Variants in IGFBP7 observed in about 807,000 individuals in gnomAD.
IGFBP7 encodes insulin like growth factor binding protein 7, also known as insulin-like growth factor-binding protein 7.
Under a neutral mutation model 29.4 loss-of-function variants are expected in IGFBP7, and 31 were observed. That is an observed-to-expected ratio of 1.05 (90% CI 0.79 to 1.42). The LOEUF is 1.42. Among genes scored for constraint, IGFBP7 ranks in the 40% most tolerant of loss-of-function variants. The pLI, the probability that IGFBP7 is intolerant of heterozygous loss-of-function variation, is 0.00. For missense variants in IGFBP7, 393 were observed against 395.5 expected, an observed-to-expected ratio of 0.99 and a Z score of 0.05; for synonymous variants, 172 against 174.9, an observed-to-expected ratio of 0.98 and a Z score of 0.13.
intron 1 of IGFBP7, among the ~76,000 whole-genome samples, chr4:57,082,656 A>C (rs1483961973): frequency 6.6e-6 from 1 of 152,238 alleles, no homozygotes; most frequent in East Asian, 1.9e-4. Flanking sequence ...GTAACAATTC[A>C]AATATACAAA....
intron 2 of IGFBP7, among the ~76,000 whole-genome samples, chr4:57,034,125 TTCTGTG>T (rs1724023602): frequency 1.3e-5 from 2 of 152,108 alleles, no homozygotes; most frequent in South Asian, 4.1e-4. Context: ...TGCTGACTGT[TTCTGTG>T]TATGTCATGT....
At chr4:57,087,279 A>T (rs1217141671) in intron 1 of IGFBP7, among the ~76,000 whole-genome samples, 2 of 152,226 alleles carry the variant, frequency 1.3e-5, no homozygotes, top group Admixed American at 6.5e-5. Flanking sequence ...ATTGATGGAT[A>T]ACATAAAAGT....
intron 1 of IGFBP7, 74 bp downstream of exon 1, chr4:57,109,803 G>A: frequency 2.1e-6 from 3 of 1,461,756 alleles, no homozygotes; most frequent in Non-Finnish European, 2.7e-6. Flanking sequence ...CGAGGCCGCC[G>A]CGGACGCCCC....
chr4:57,062,888 G>T (rs988903346), intron 1 of IGFBP7, among the ~76,000 whole-genome samples: 1 of 152,154 alleles, frequency 6.6e-6, no homozygotes, highest in Non-Finnish European at 1.5e-5. Flanking sequence ...TTCCTCTTGA[G>T]AAAAACTTTC....
At chr4:57,096,293 A>G (rs572588362) in intron 1 of IGFBP7, among the ~76,000 whole-genome samples, 2 of 147,108 alleles carry the variant, frequency 1.4e-5, no homozygotes, top group South Asian at 2.3e-4. Context: ...GATCTTCTCA[A>G]AGTCCCCCGT....
At chr4:57,100,376 G>C (rs1169949275) in intron 1 of IGFBP7, among the ~76,000 whole-genome samples, 1 of 152,138 alleles carries the variant, frequency 6.6e-6, no homozygotes, top group African/African-American at 2.4e-5. Flanking sequence ...CACTGTGCCT[G>C]ACCAGGCTCT....
Position 57,031,148 on chromosome 4 carries a change from TG to T in IGFBP7, c.*168del. On this transcript the variant is annotated 3_prime_UTR_variant, in exon 5 of 5. Coordinates refer to ENST00000295666, the MANE Select transcript of IGFBP7 (RefSeq NM_001553.3). ...CTTCTGTAAATATATAATAAATTTT[TG>T]TAGATAGTCTTGATGTGTGATCTTT... 1.4e-6 allele frequency: 1 copy of T among 721,640 alleles called. No homozygotes were observed. Among genetic ancestry groups the T allele is most frequent in the Non-Finnish European group, 2.4e-6 (1 of 421,332 alleles). The allele number at this position is 721,640 out of a possible 1,614,324, so 44.7% of individuals were successfully genotyped here.
At chr4:57,067,444 C>T (rs1724946163) in intron 1 of IGFBP7, among the ~76,000 whole-genome samples, 2 of 152,172 alleles carry the variant, frequency 1.3e-5, no homozygotes, top group African/African-American at 4.8e-5. Flanking sequence ...AGAAGCCAGT[C>T]CCAGAAGGGC....
intron 1 of IGFBP7, among the ~76,000 whole-genome samples, chr4:57,075,366 T>G (rs757405307): frequency 2.6e-5 from 4 of 152,200 alleles, no homozygotes; most frequent in Non-Finnish European, 5.9e-5. Context: ...TTTCATTGTT[T>G]CCTTAATCTG....
chr4:57,060,250 T>C (rs1053880433), intron 1 of IGFBP7, among the ~76,000 whole-genome samples: 4 of 152,206 alleles, frequency 2.6e-5, no homozygotes, highest in African/African-American at 9.6e-5. Context: ...AATAACAAGA[T>C]GCAGACAGAC....
At chr4:57,103,502 T>C (rs1202729306) in intron 1 of IGFBP7, among the ~76,000 whole-genome samples, 2 of 152,134 alleles carry the variant, frequency 1.3e-5, no homozygotes, top group African/African-American at 2.4e-5. Flanking sequence ...AAATTGTATA[T>C]ATATGGTATA....
Position 57,110,148 on chromosome 4 carries a change from G to A in IGFBP7, c.204C>T (p.Gly68=). The A allele has an allele frequency of 1.4e-6, 2 of 1,471,878 alleles. No individual in the cohort carries two copies. The highest frequency in any genetic ancestry group is 8.9e-7 in the Non-Finnish European group (1 of 1,119,876). The allele number at this position is 1,471,878 out of a possible 1,614,324, so 91.2% of individuals were successfully genotyped here. The stretch of plus-strand genomic sequence containing the variant: ...CGGCGCCGCCACCCCCGCACGGCTC[G>A]CCCTCGCCGCGGGCGCACATAGGGC... ...GCCPMCARGE[G]EPCGGGGAGR... The change falls in exon 1 of 5, where the codon GGC becomes GGT. Residue 68 remains glycine (G), a synonymous_variant. Transcript: ENST00000295666.
At chr4:57,054,639 C>CAAAAAAAAAAAAAAAAAA (rs75161514) in intron 1 of IGFBP7, among the ~76,000 whole-genome samples, 4 of 27,884 alleles carry the variant, frequency 1.4e-4, no homozygotes, top group East Asian at 2.3e-3. Flanking sequence ...CTCTCTCTCA[C>CAAAAAAAAAAAAAAAAAA]AAAAAAAAAA....
At chr4:57,036,924 T>C (rs1424620629) in intron 2 of IGFBP7, among the ~76,000 whole-genome samples, 1 of 152,236 alleles carries the variant, frequency 6.6e-6, no homozygotes, top group Admixed American at 6.5e-5. Context: ...GTTTGTATTC[T>C]TAACAGTCTG....
chr4:57,056,374 C>A lies in IGFBP7; in HGVS notation c.476-15441G>T, dbSNP rs533372506. Among the ~76,000 whole-genome samples, 49 of 152,186 alleles carry A rather than the reference C, an allele frequency of 3.2e-4. No individual in the cohort carries two copies. In the South Asian group the frequency reaches 8.7e-3, roughly 27 times the overall value. On this transcript the variant is annotated intron_variant, in intron 1 of 4. Transcript: ENST00000295666. Reference sequence around the variant, plus strand: ...ACGCTAGTGTAGGGCTAGTTCTTCTCGTGTGTGTGTCTTGGGTACTTAGGA... The same window carrying A: ...ACGCTAGTGTAGGGCTAGTTCTTCTAGTGTGTGTGTCTTGGGTACTTAGGA...
In IGFBP7 at chr4:57,110,094, C is replaced by T; in HGVS notation, c.258G>A (p.Glu86=). ...TCCGCCTCTTGCGGCTCTTCACGCA[C>T]TCCATGCCCGGCGCGCAGTACCCCC... The part of the protein sequence containing the change: ...AGRGYCAPGM[E]CVKSRKRRKG... The change falls in exon 1 of 5, where the codon GAG becomes GAA. Residue 86 remains glutamate (E), a synonymous_variant. Transcript: ENST00000295666. 6.5e-7 allele frequency: 1 copy of T among 1,540,052 alleles called. No individual in the cohort carries two copies.
At chr4:57,063,563 A>T (rs1343776430) in intron 1 of IGFBP7, among the ~76,000 whole-genome samples, 1 of 152,236 alleles carries the variant, frequency 6.6e-6, no homozygotes, top group Admixed American at 6.5e-5. Context: ...TTGTTGTTGC[A>T]GATCATTGAA....
In IGFBP7 at chr4:57,040,403, C is replaced by T. The variant is rs994191550; in HGVS notation, c.585+421G>A. 2.0e-5 allele frequency among the ~76,000 whole-genome samples: 3 copies of T among 152,284 alleles called. No homozygotes were observed. In the East Asian group the frequency reaches 5.8e-4, roughly 29 times the overall value. ...AGGAGACTGATGCCATCACAAACAG[C>T]TTGGTGGGGGCTTGGAGGTGGTATT... On this transcript the variant is annotated intron_variant, in intron 2 of 4. Transcript: ENST00000295666.
chr4:57,054,610 G>C (rs1724597830), intron 1 of IGFBP7, among the ~76,000 whole-genome samples: 1 of 143,342 alleles, frequency 7.0e-6, no homozygotes, highest in African/African-American at 2.7e-5. Context: ...CGGCACTCCA[G>C]CCTGGCGACA....
Sources: gnomAD v4.1 joint callset for allele counts (sites outside exome capture counted in the v4.1 genomes callset) on GRCh38, gnomAD v4.1.1 for gene constraint, MANE v1.5 for transcripts, NCBI Gene and HGNC (gene_info 2026-07-23, HGNC 2026-07-21) for gene names.